The following LRP1B variants were observed in gnomAD, a reference collection of about 807,000 sequenced individuals.
LRP1B encodes LDL receptor related protein 1B, also known as low-density lipoprotein receptor-related protein 1B.
Under a neutral mutation model 556.6 loss-of-function variants are expected in LRP1B, and 217 were observed. That is an observed-to-expected ratio of 0.39 (90% CI 0.35 to 0.44). The LOEUF (loss-of-function observed/expected upper bound fraction) is 0.44. Ranked by LOEUF, LRP1B falls within the 20% of genes least tolerant of loss-of-function variation. The pLI is 1.00. For synonymous variants in LRP1B, 2,047 were observed against 1,865.8 expected (o/e 1.10, Z -2.50); for missense variants, 5,053 against 5,620.8 (o/e 0.90, Z 3.23).
intron 1 of LRP1B, among the ~76,000 whole-genome samples, chr2:141,942,319 G>A: frequency 6.6e-6 from 1 of 152,082 alleles, no homozygotes; most frequent in East Asian, 1.9e-4. Context: ...TCTTTGAAAT[G>A]CCTGTGAAGT....
At chr2:140,954,341 A>C (rs2105306523) in intron 18 of LRP1B, among the ~76,000 whole-genome samples, 1 of 152,306 alleles carries the variant, frequency 6.6e-6, no homozygotes, top group South Asian at 2.1e-4. Context: ...CAAATGAGTA[A>C]ACAATAAAAT....
intron 35 of LRP1B, among the ~76,000 whole-genome samples, chr2:140,765,008 T>G (rs12105352): frequency 0.07 from 10,709 of 152,032 alleles, 966 homozygotes; most frequent in African/African-American, 0.2. Context: ...TTTTTTCTTT[T>G]AATAGAGACA....
chr2:140,271,367 A>C (rs1682452213), intron 85 of LRP1B, among the ~76,000 whole-genome samples: 1 of 151,954 alleles, frequency 6.6e-6, no homozygotes, highest in South Asian at 2.1e-4. Context: ...TGACAAAAAA[A>C]TCAGGCTACA....
rs1283206871 is a variant in LRP1B, at chr2:140,813,784, T to C, written c.5232A>G (p.Glu1744=). ...EPVGLSIDYV[E]NKLYWISSGN... is the part of the protein sequence containing the mutation. ...CTGAACTGATCCAATAAAGCTTGTT[T>C]TCCACATAGTCTATCGATAGACCTG... Residue 1744 remains glutamate (E), a synonymous_variant, in exon 32 of 91, where the codon GAA becomes GAG. Coordinates refer to ENST00000389484, the MANE Select transcript of LRP1B (RefSeq NM_018557.3). 6.2e-7 allele frequency: 1 copy of C among 1,608,964 alleles called. No individual in the cohort carries two copies. The highest frequency in any genetic ancestry group is 1.1e-5 in the South Asian group (1 of 90,808).
intron 3 of LRP1B, among the ~76,000 whole-genome samples, chr2:141,444,623 G>A (rs1681111855): frequency 1.3e-5 from 2 of 152,124 alleles, no homozygotes; most frequent in Non-Finnish European, 2.9e-5. Flanking sequence ...TTTATTGAGA[G>A]TTTTTAGTAT....
intron 7 of LRP1B, among the ~76,000 whole-genome samples, chr2:141,116,118 T>C (rs1014352729): frequency 6.6e-6 from 1 of 152,138 alleles, no homozygotes; most frequent in Non-Finnish European, 1.5e-5. Flanking sequence ...ATTTTGACAA[T>C]GTGAAATTAA....
intron 71 of LRP1B, among the ~76,000 whole-genome samples, chr2:140,365,004 T>C (rs1682691885): frequency 6.6e-6 from 1 of 151,616 alleles, no homozygotes; most frequent in African/African-American, 2.4e-5. Flanking sequence ...ATTACTCTCA[T>C]ATATGTCTAT....
chr2:140,883,454 G>T (rs1407442175), intron 25 of LRP1B, among the ~76,000 whole-genome samples: 1 of 151,152 alleles, frequency 6.6e-6, no homozygotes, highest in African/African-American at 2.4e-5. Context: ...CCAACCATTA[G>T]AAACAATTAC....
At chr2:140,989,768 G>T in intron 16 of LRP1B, 111 bp from the exon 17 acceptor site, 1 of 982,124 alleles carries the variant, frequency 1.0e-6, no homozygotes, top group South Asian at 1.7e-5. Context: ...TACAATAAAT[G>T]TCATAGAGTC....
rs561739230 is a variant in LRP1B at position 141,890,133 on chromosome 2, C to T, written c.83-79732G>A. Among the ~76,000 whole-genome samples, 7 of 151,874 alleles carry T rather than the reference C, an allele frequency of 4.6e-5. No individual in the cohort carries two copies. In the South Asian group the frequency reaches 1.5e-3, roughly 32 times the overall value. On this transcript the variant is annotated intron_variant, in intron 1 of 90. Coordinates refer to ENST00000389484, the MANE Select transcript of LRP1B (RefSeq NM_018557.3). Reference sequence around the variant, plus strand: ...ATATCTATCTTATTTTAGATGTTAACTTTCTTTGAAAACTTCCTATAGTCT... The same window carrying T: ...ATATCTATCTTATTTTAGATGTTAATTTTCTTTGAAAACTTCCTATAGTCT...
intron 2 of LRP1B, among the ~76,000 whole-genome samples, chr2:141,537,321 A>G (rs1263092932): frequency 2.0e-5 from 3 of 152,166 alleles, no homozygotes; most frequent in African/African-American, 7.2e-5. Context: ...AAATAACAAA[A>G]CAGCAGGGTG....
intron 49 of LRP1B, among the ~76,000 whole-genome samples, chr2:140,525,374 C>A (rs1321071452): frequency 6.6e-6 from 1 of 151,798 alleles, no homozygotes; most frequent in Non-Finnish European, 1.5e-5. Flanking sequence ...TATAAATGAA[C>A]CTGTCTTAAC....
At chr2:141,827,179 G>T (rs966588359) in intron 1 of LRP1B, among the ~76,000 whole-genome samples, 5 of 152,220 alleles carry the variant, frequency 3.3e-5, no homozygotes, top group African/African-American at 1.2e-4. Context: ...CTTCAGAGCT[G>T]CCCTGAGGCA....
At chr2:140,942,548 A>G (rs1454814393) in intron 20 of LRP1B, among the ~76,000 whole-genome samples, 2 of 152,142 alleles carry the variant, frequency 1.3e-5, no homozygotes, top group Non-Finnish European at 2.9e-5. Context: ...GACAAAAGTC[A>G]TATCACCTTC....
intron 32 of LRP1B, among the ~76,000 whole-genome samples, chr2:140,797,555 A>G (rs1325823149): frequency 1.3e-5 from 2 of 152,124 alleles, no homozygotes; most frequent in Admixed American, 6.6e-5. Context: ...AGCAAAACAC[A>G]TGAAGCAGAA....
chr2:142,001,813 C>G (rs949733687), intron 1 of LRP1B, among the ~76,000 whole-genome samples: 1 of 152,042 alleles, frequency 6.6e-6, no homozygotes, highest in Admixed American at 6.6e-5. Flanking sequence ...CAAACATACT[C>G]AAAAATTAGG....
rs952222978 is a variant in LRP1B at position 142,124,039 on chromosome 2, TTTTTAA to T, written c.82+6603_82+6608del. Among the ~76,000 whole-genome samples the T allele has an allele frequency of 3.9e-5, 6 of 151,988 alleles. No individual in the cohort carries two copies. The East Asian group carries it at 7.7e-4, about 20-fold the overall frequency. On this transcript the variant is annotated intron_variant, in intron 1 of 90. Coordinates refer to ENST00000389484, the MANE Select transcript of LRP1B (RefSeq NM_018557.3). ...TATTGAACAACAGAAAAACATGTTT[TTTTTAA>T]TTTTAATTTTAGATTTGGGGGTACA... is the stretch of plus-strand genomic sequence containing the variant.
chr2:140,238,087 C>T (rs1371452379), intron 89 of LRP1B, 65 bp downstream of exon 89: 1 of 1,424,136 alleles, frequency 7.0e-7, no homozygotes, highest in South Asian at 1.4e-5. Flanking sequence ...AAATTCAGAA[C>T]CATAAAACAG....
chr2:141,652,085 A>G (rs576532288), intron 2 of LRP1B, among the ~76,000 whole-genome samples: 5 of 152,246 alleles, frequency 3.3e-5, no homozygotes, highest in South Asian at 2.1e-4. Flanking sequence ...ACTTCCCTCA[A>G]TTTTACCAGA....
Sources: allele counts gnomAD v4.1 joint callset (sites outside exome capture counted in the v4.1 genomes callset), GRCh38; gene constraint gnomAD v4.1.1; transcripts MANE v1.5; gene names NCBI Gene and HGNC (gene_info 2026-07-23, HGNC 2026-07-21).